The following KLKB1 variants were observed in gnomAD, a reference collection of about 807,000 sequenced individuals.
KLKB1 encodes plasma kallikrein.
In KLKB1, 58 loss-of-function variants were observed where a neutral mutation model predicts 73.6. The observed-to-expected ratio is 0.79, with a 90% CI of 0.64 to 0.98. The LOEUF (loss-of-function observed/expected upper bound fraction) is 0.98. Ranked by LOEUF, KLKB1 falls within the 50% of genes least tolerant of loss-of-function variation. The pLI, the probability that KLKB1 is intolerant of heterozygous loss-of-function variation, is 0.00. For missense variants in KLKB1, 737 were observed against 763.8 expected (o/e 0.96, Z 0.41); for synonymous variants, 280 against 258.1 (o/e 1.08, Z -0.81).
rs1738715868 is a variant in KLKB1 at position 186,252,135 on chromosome 4, G to T, written c.1263G>T (p.Gly421=). 6.2e-7 allele frequency: 1 copy of T among 1,613,952 alleles called. No homozygotes were observed. Among genetic ancestry groups the T allele is most frequent in the Non-Finnish European group, 8.5e-7 (1 of 1,180,034 alleles). Residue 421 remains glycine, a synonymous_variant, in exon 11 of 15, where the codon GGG becomes GGT. Coordinates refer to ENST00000264690, the MANE Select transcript of KLKB1 (RefSeq NM_000892.5). ...KLTAQRHLCG[G]SLIGHQWVLT... ...CAGCTCAGAGGCACCTGTGTGGAGG[G>T]TCACTCATAGGACACCAGTGGGTCC...
chr4:186,221,921 C>T (rs1162185763), upstream of KLKB1, among the ~76,000 whole-genome samples: 2 of 152,082 alleles, frequency 1.3e-5, no homozygotes, highest in Admixed American at 6.5e-5. Flanking sequence ...TTAATATTTG[C>T]TTTATAGATT....
rs182282344 is a variant in KLKB1 at position 186,219,975 on chromosome 4, C to T, written c.201+10703C>T. 6.6e-5 allele frequency among the ~76,000 whole-genome samples: 10 copies of T among 152,210 alleles called. 1 individual carries two copies. The East Asian group carries it at 1.9e-3, about 29-fold the overall frequency. On this transcript the variant is annotated intron_variant, in intron 2 of 14. Coordinates refer to the KLKB1 transcript ENST00000511608. ...GCCAACACTGCAACTCCCTTCTGAG[C>T]CTGTTGACTTAGAGGTAAAAGGATC... is the stretch of plus-strand genomic sequence containing the variant.
chr4:186,251,883 T>C, intron 10 of KLKB1, 22 bp downstream of exon 10: 1 of 1,603,148 alleles, frequency 6.2e-7, no homozygotes. Flanking sequence ...CACTTTTTCG[T>C]GGACCTGTCA....
chr4:186,239,575 A>C (rs542798208), intron 6 of KLKB1, among the ~76,000 whole-genome samples: 2 of 147,032 alleles, frequency 1.4e-5, no homozygotes, highest in African/African-American at 5.0e-5. Context: ...TTATAGGTAC[A>C]GTGACATAGG....
chr4:186,233,904 A>G (rs775815423), intron 3 of KLKB1, 48 bp from the exon 4 acceptor site: 29 of 1,286,514 alleles, frequency 2.3e-5, no homozygotes, highest in Middle Eastern at 1.8e-4. Flanking sequence ...CATTTCCTCA[A>G]TGTATGTTTA....
intron 6 of KLKB1, among the ~76,000 whole-genome samples, chr4:186,242,600 C>A (rs1738114098): frequency 6.6e-6 from 1 of 152,020 alleles, no homozygotes; most frequent in South Asian, 2.1e-4. Context: ...AAATGAGAAA[C>A]TAAATGGAAG....
rs144642181 is a variant in KLKB1 at position 186,257,320 on chromosome 4, G to A, written c.1680G>A (p.Arg560=). The change falls in exon 14 of 15, where the codon CGG becomes CGA. Residue 560 remains arginine (R), a synonymous_variant. Transcript: ENST00000264690. ...ATCAAGATTATAAAATAACCCAACG[G>A]ATGGTCTGTGCTGGCTATAAAGAAG... ...KRYQDYKITQ[R]MVCAGYKEGG... is the part of the protein sequence containing the mutation. The A allele has an allele frequency of 5.4e-5, 87 of 1,605,252 alleles. 1 individual carries two copies. In the South Asian group the frequency reaches 7.6e-4, roughly 14 times the overall value.
chr4:186,245,823 G>GTTTTT (rs1561460148), intron 6 of KLKB1, among the ~76,000 whole-genome samples: 2 of 48,602 alleles, frequency 4.1e-5, no homozygotes, highest in African/African-American at 1.1e-4. Context: ...TTTGTTTTTT[G>GTTTTT]GTTTTTTTTT....
chr4:186,237,795 T>A (rs902740041), intron 5 of KLKB1, among the ~76,000 whole-genome samples: 4 of 152,188 alleles, frequency 2.6e-5, no homozygotes, highest in African/African-American at 9.7e-5. Flanking sequence ...CCCACTAAGC[T>A]ATTTTTCAAC....
chr4:186,237,329 T>C lies in KLKB1; in HGVS notation c.488+389T>C, dbSNP rs572634496. Among the ~76,000 whole-genome samples the C allele has an allele frequency of 1.5e-4, 23 of 152,238 alleles. No homozygotes were observed. In the South Asian group the frequency reaches 4.8e-3, roughly 32 times the overall value. Reference sequence around the variant, plus strand: ...GGTCAGGCTGGTCTCGAACTCCTGATCTTGTGATCCACCCACCTCAGCCTC... The same window carrying C: ...GGTCAGGCTGGTCTCGAACTCCTGACCTTGTGATCCACCCACCTCAGCCTC... On this transcript the variant is annotated intron_variant, in intron 5 of 14. Coordinates refer to ENST00000264690, the MANE Select transcript of KLKB1 (RefSeq NM_000892.5).
At chr4:186,223,780 T>C (rs1737082285), upstream of KLKB1, among the ~76,000 whole-genome samples, 2 of 152,190 alleles carry the variant, frequency 1.3e-5, no homozygotes, top group South Asian at 4.1e-4. Flanking sequence ...AAAACCAATT[T>C]TCTGAGGAGG....
chr4:186,229,001 A>G (rs951506077), intron 2 of KLKB1: 1 of 152,208 alleles, frequency 6.6e-6, no homozygotes, highest in African/African-American at 2.4e-5. Context: ...TAAGGTTTAC[A>G]TTCATAAAGA....
At chr4:186,247,838 A>G (rs553500326) in intron 6 of KLKB1, among the ~76,000 whole-genome samples, 1 of 152,350 alleles carries the variant, frequency 6.6e-6, no homozygotes, top group African/African-American at 2.4e-5. Context: ...TCTAATTTAG[A>G]TAACATAAAA....
Position 186,228,175 on chromosome 4 carries a change from T to A in KLKB1, c.-1-20T>A. 1 of 1,339,314 alleles carries A rather than the reference T, an allele frequency of 7.5e-7. No individual in the cohort carries two copies. Among genetic ancestry groups the A allele is most frequent in the East Asian group, 2.3e-5 (1 of 43,578 alleles). The allele number at this position is 1,339,314 out of a possible 1,614,324, so 83.0% of individuals were successfully genotyped here. On this transcript the variant is annotated intron_variant, in intron 1 of 14. Coordinates refer to ENST00000264690, the MANE Select transcript of KLKB1 (RefSeq NM_000892.5). ...ATGTGGTCTAAAACCAGCAGAGTTA[T>A]GTATTGTTTTCTTTTTTAGAATGAT...
At chr4:186,229,112 C>G (rs368599313) in intron 2 of KLKB1, 3 of 152,134 alleles carry the variant, frequency 2.0e-5, no homozygotes, top group African/African-American at 7.2e-5. Flanking sequence ...CCGTAATTTA[C>G]AAACCCATGT....
chr4:186,230,277 C>T (rs557567547), intron 2 of KLKB1, among the ~76,000 whole-genome samples: 18 of 152,270 alleles, frequency 1.2e-4, no homozygotes, highest in African/African-American at 4.3e-4. Context: ...AAAATGGCTT[C>T]TAGTTGTTTT....
At chr4:186,257,153 C>T in intron 13 of KLKB1, 73 bp from the exon 14 acceptor site, 1 of 775,034 alleles carries the variant, frequency 1.3e-6, no homozygotes, top group Non-Finnish European at 2.0e-6. Flanking sequence ...TAATAATATT[C>T]CCAATATTAT....
At position 186,233,985 on chromosome 4, in the gene KLKB1, A is replaced by G. The variant is rs1450539290; in HGVS notation, c.255A>G (p.Gly85=). The change falls in exon 4 of 15, where the codon GGA becomes GGG. Residue 85 remains glycine (G), a synonymous_variant. Transcript: ENST00000264690. ...FGCFLKDSVT[G]TLPKVHRTGA... is the part of the protein sequence containing the mutation. Reference sequence around the variant, plus strand: ...GCTTCTTGAAAGATAGTGTTACAGGAACCCTGCCAAAAGTACATCGAACAG... The same window carrying G: ...GCTTCTTGAAAGATAGTGTTACAGGGACCCTGCCAAAAGTACATCGAACAG... 1 of 1,614,070 alleles carries G rather than the reference A, an allele frequency of 6.2e-7. No homozygotes were observed. The highest frequency in any genetic ancestry group is 8.5e-7 in the Non-Finnish European group (1 of 1,179,952).
chr4:186,238,614 A>G (rs1737834452), intron 6 of KLKB1, among the ~76,000 whole-genome samples: 1 of 152,226 alleles, frequency 6.6e-6, no homozygotes, highest in Non-Finnish European at 1.5e-5. Context: ...GAAGGCTCAG[A>G]GCCAGAGAGA....
Sources: allele counts gnomAD v4.1 joint callset (sites outside exome capture counted in the v4.1 genomes callset), GRCh38; gene constraint gnomAD v4.1.1; transcripts MANE v1.5; gene names NCBI Gene and HGNC (gene_info 2026-07-23, HGNC 2026-07-21).